The following CTNNA3 variants were observed in gnomAD, a reference collection of about 807,000 sequenced individuals.
The protein encoded by CTNNA3 is catenin alpha-3.
A neutral mutation model predicts 95.7 loss-of-function variants in CTNNA3; 76 were observed. That is an observed-to-expected ratio of 0.79 (90% CI 0.66 to 0.96). CTNNA3 has a LOEUF of 0.96. CTNNA3 is among the 40% of genes least tolerant of loss of function. CTNNA3 has a pLI of 0.00. For synonymous variants in CTNNA3, 431 were observed against 374.4 expected, an observed-to-expected ratio of 1.15 and a Z score of -1.74; for missense variants, 1,191 against 1,089.8, an observed-to-expected ratio of 1.09 and a Z score of -1.31.
chr10:66,789,806 C>A (rs1261638043), intron 7 of CTNNA3, among the ~76,000 whole-genome samples: 1 of 152,230 alleles, frequency 6.6e-6, no homozygotes, highest in East Asian at 1.9e-4. Context: ...AGTGCCTGAG[C>A]ACCAGCACTC....
chr10:66,758,969 C>A (rs559288319), intron 9 of CTNNA3, among the ~76,000 whole-genome samples: 2 of 152,176 alleles, frequency 1.3e-5, no homozygotes, highest in South Asian at 4.1e-4. Context: ...AACAAAAGAA[C>A]TTTGGGTACA....
chr10:66,919,995 A>C (rs1441507019), intron 7 of CTNNA3, among the ~76,000 whole-genome samples: 1 of 152,216 alleles, frequency 6.6e-6, no homozygotes, highest in East Asian at 1.9e-4. Flanking sequence ...TATTCTGTAT[A>C]ATAAATGGTT....
intron 6 of CTNNA3, among the ~76,000 whole-genome samples, chr10:67,195,606 A>AGAC: frequency 6.6e-6 from 1 of 152,146 alleles, no homozygotes; most frequent in East Asian, 1.9e-4. Flanking sequence ...ATAAAGCCAT[A>AGAC]GACCCATATG....
intron 7 of CTNNA3, among the ~76,000 whole-genome samples, chr10:66,953,046 C>CTT (rs1848620565): frequency 6.6e-6 from 1 of 152,012 alleles, no homozygotes; most frequent in African/African-American, 2.4e-5. Context: ...GAAAACAGAG[C>CTT]CTACTGAGAA....
In CTNNA3 at chr10:66,003,736, T is replaced by A. The variant is rs556237010; in HGVS notation, c.2160-14939A>T. The stretch of plus-strand genomic sequence containing the variant: ...AAGATTTAATATTTTTTTGTGTGAT[T>A]TTGTACTGAAAACATAACATAATAA... On this transcript the variant is annotated intron_variant, in intron 15 of 17. Transcript: ENST00000433211. Among the ~76,000 whole-genome samples, 72 of 152,334 alleles carry A rather than the reference T, an allele frequency of 4.7e-4. 1 individual carries two copies. Among genetic ancestry groups the A allele is most frequent in the African/African-American group, 1.7e-3 (69 of 41,578 alleles).
chr10:66,050,004 T>C (rs1291187585), intron 15 of CTNNA3, among the ~76,000 whole-genome samples: 1 of 152,100 alleles, frequency 6.6e-6, no homozygotes, highest in Non-Finnish European at 1.5e-5. Context: ...GAGAGAAATG[T>C]TTAACAATTT....
intron 11 of CTNNA3, among the ~76,000 whole-genome samples, chr10:66,472,734 A>G (rs1839181880): frequency 6.6e-6 from 1 of 152,016 alleles, no homozygotes; most frequent in South Asian, 2.1e-4. Context: ...TACTTACATG[A>G]AATAATCTAA....
At chr10:66,270,618 T>G (rs948611921) in intron 13 of CTNNA3, among the ~76,000 whole-genome samples, 2 of 152,188 alleles carry the variant, frequency 1.3e-5, no homozygotes, top group African/African-American at 4.8e-5. Flanking sequence ...TCAATCATCA[T>G]GACAAACGCT....
intron 5 of CTNNA3, among the ~76,000 whole-genome samples, chr10:67,423,652 T>C (rs575785110): frequency 1.0e-3 from 155 of 152,224 alleles, no homozygotes; most frequent in African/African-American, 3.5e-3. Context: ...CCACCAAACA[T>C]ACCACAAAAA....
intron 6 of CTNNA3, among the ~76,000 whole-genome samples, chr10:67,200,597 G>A (rs1334289847): frequency 6.6e-6 from 1 of 152,118 alleles, no homozygotes; most frequent in Non-Finnish European, 1.5e-5. Context: ...GCCAGGAATA[G>A]GAGTCTGTAT....
chr10:67,699,663 C>G (rs560448079), upstream of CTNNA3, among the ~76,000 whole-genome samples: 9 of 152,334 alleles, frequency 5.9e-5, no homozygotes, highest in East Asian at 3.9e-4. Context: ...TGAATAGGAA[C>G]AGCTCCGGTC....
At chr10:67,101,434 T>C (rs1858334042) in intron 7 of CTNNA3, among the ~76,000 whole-genome samples, 1 of 136,916 alleles carries the variant, frequency 7.3e-6, no homozygotes, top group African/African-American at 3.0e-5. Context: ...CTTGTAATAA[T>C]AGAGAACAAT....
chr10:67,697,178 A>G (rs1380064507), upstream of CTNNA3, among the ~76,000 whole-genome samples: 1 of 152,188 alleles, frequency 6.6e-6, no homozygotes, highest in African/African-American at 2.4e-5. Flanking sequence ...TTATGTAGCT[A>G]CCTTTAAAAT....
rs184184454 is a variant in CTNNA3, at chr10:67,635,396, T to C, written c.99+12019A>G. On this transcript the variant is annotated intron_variant, in intron 2 of 17. Coordinates refer to ENST00000433211, the MANE Select transcript of CTNNA3 (RefSeq NM_013266.4). ...TAAAACTTCAGGCCAAAATCTTTGA[T>C]GAACATCGATACAAAAATCTTCAAT... Among the ~76,000 whole-genome samples the C allele has an allele frequency of 5.3e-5, 8 of 152,266 alleles. No homozygotes were observed. The East Asian group carries it at 1.4e-3, about 26-fold the overall frequency.
chr10:66,190,495 A>G (rs1019580033), intron 13 of CTNNA3, among the ~76,000 whole-genome samples: 1 of 152,136 alleles, frequency 6.6e-6, no homozygotes, highest in Non-Finnish European at 1.5e-5. Context: ...AGTGGACTAG[A>G]TAATTAATCT....
At chr10:67,201,355 C>T (rs1168173334) in intron 6 of CTNNA3, among the ~76,000 whole-genome samples, 1 of 152,198 alleles carries the variant, frequency 6.6e-6, no homozygotes, top group African/African-American at 2.4e-5. Flanking sequence ...TTTGCACATA[C>T]TCCTTTTCCA....
At position 67,024,263 on chromosome 10, in the gene CTNNA3, C is replaced by T. The variant is rs558016036; in HGVS notation, c.1047+156054G>A. ...TTTTCTCCTCTCTAGCTGCTTCAGT[C>T]ATCTCATTGTGTTCTCGTAGAGTCT... On this transcript the variant is annotated intron_variant, in intron 7 of 17. Transcript: ENST00000433211. Among the ~76,000 whole-genome samples, 37 of 152,326 alleles carry T rather than the reference C, an allele frequency of 2.4e-4. No individual in the cohort carries two copies. In the South Asian group the frequency reaches 7.5e-3, roughly 31 times the overall value.
chr10:67,529,762 A>G (rs1384009117), intron 4 of CTNNA3, among the ~76,000 whole-genome samples: 1 of 152,152 alleles, frequency 6.6e-6, no homozygotes, highest in African/African-American at 2.4e-5. Context: ...TCCAGCAAGT[A>G]TGCCCTATTT....
Position 66,227,375 on chromosome 10 carries a change from GT to G in CTNNA3, c.1884+53094del, listed in dbSNP as rs34919798. ...TTCTATACTTAATTTGTTAAGAGGT[GT>G]TTTTTTTTTTTTCATGAGGTAATGT... On this transcript the variant is annotated intron_variant, in intron 13 of 17. Coordinates refer to ENST00000433211, the MANE Select transcript of CTNNA3 (RefSeq NM_013266.4). Among the ~76,000 whole-genome samples the G allele has an allele frequency of 9.2e-4, 126 of 136,436 alleles. 1 individual carries two copies. The highest frequency in any genetic ancestry group is 7.8e-3 in the Middle Eastern group (2 of 258). The allele number at this position is 136,436 out of a possible 152,430, so 89.5% of individuals were successfully genotyped here.
Sources: allele counts gnomAD v4.1 joint callset (sites outside exome capture counted in the v4.1 genomes callset), GRCh38; gene constraint gnomAD v4.1.1; transcripts MANE v1.5; gene names NCBI Gene and HGNC (gene_info 2026-07-23, HGNC 2026-07-21).